The following CHLSN variants were observed in gnomAD, a reference collection of about 807,000 sequenced individuals.
CHLSN encodes cholesin.
At chr7:1,131,194 A>T in the CHLSN span, among the ~76,000 whole-genome samples, 4 of 15,792 alleles carry the variant, frequency 2.5e-4, no homozygotes, top group African/African-American at 1.7e-3. Context: ...TTGTGTTTAA[A>T]AAAAAAAAAA....
the CHLSN span, among the ~76,000 whole-genome samples, chr7:1,013,061 G>C: frequency 6.6e-6 from 1 of 152,194 alleles, no homozygotes; most frequent in African/African-American, 2.4e-5. Context: ...AGCAGCGCGG[G>C]AGGGTGGTGG....
the CHLSN span, chr7:988,935 T>C: frequency 1.5e-6 from 1 of 670,152 alleles, no homozygotes; most frequent in South Asian, 2.0e-5. Flanking sequence ...CCCTGAGGAC[T>C]CCCACCCTCA....
At chr7:1,044,786 C>T in the CHLSN span, 2 of 152,254 alleles carry the variant, frequency 1.3e-5, no homozygotes, top group Non-Finnish European at 2.9e-5. Flanking sequence ...CCCGGGTCCT[C>T]TGGCCGCTGC....
chr7:1,108,413 G>T, the CHLSN span, among the ~76,000 whole-genome samples: 1 of 152,038 alleles, frequency 6.6e-6, no homozygotes, highest in African/African-American at 2.4e-5. Context: ...GGAAGCAGAG[G>T]GGGGCTGCTC....
the CHLSN span, among the ~76,000 whole-genome samples, chr7:1,124,868 C>G: frequency 6.6e-6 from 1 of 152,210 alleles, no homozygotes; most frequent in South Asian, 2.1e-4. Context: ...ACCCGCTGCG[C>G]GGGAGCCGCA....
the CHLSN span, among the ~76,000 whole-genome samples, chr7:1,089,261 A>C: frequency 6.6e-6 from 1 of 152,322 alleles, no homozygotes; most frequent in East Asian, 1.9e-4. Context: ...CAAGAGTGCA[A>C]AATAACCAAA....
At chr7:1,060,589 T>C in the CHLSN span, among the ~76,000 whole-genome samples, 10 of 152,272 alleles carry the variant, frequency 6.6e-5, no homozygotes, top group Non-Finnish European at 8.8e-5. Context: ...TCACTGGCAT[T>C]ATTCATCACG....
At chr7:1,104,158 C>T in the CHLSN span, among the ~76,000 whole-genome samples, 3 of 152,244 alleles carry the variant, frequency 2.0e-5, no homozygotes, top group African/African-American at 7.2e-5. Flanking sequence ...AGTCCTGAAC[C>T]GTGGGCAGGG....
At chr7:1,070,849 C>T in the CHLSN span, among the ~76,000 whole-genome samples, 1 of 144,728 alleles carries the variant, frequency 6.9e-6, no homozygotes, top group Non-Finnish European at 1.5e-5. Flanking sequence ...AACGCGTGCA[C>T]ACGGACATGC....
chr7:1,009,626 G>A, the CHLSN span, among the ~76,000 whole-genome samples: 2 of 152,180 alleles, frequency 1.3e-5, no homozygotes, highest in East Asian at 1.9e-4. Flanking sequence ...TCACCCCCAC[G>A]TCCAAGCAGC....
the CHLSN span, among the ~76,000 whole-genome samples, chr7:978,451 C>A: frequency 6.6e-6 from 1 of 152,054 alleles, no homozygotes; most frequent in Non-Finnish European, 1.5e-5. Flanking sequence ...CCTGGGAGGT[C>A]GAGGCTGCAG....
the CHLSN span, among the ~76,000 whole-genome samples, chr7:1,076,555 C>G: frequency 4.8e-3 from 724 of 152,372 alleles, 7 homozygotes; most frequent in African/African-American, 0.017. Context: ...TCCCCTAACA[C>G]AGGCAAGCGT....
At chr7:1,007,304 C>T in the CHLSN span, among the ~76,000 whole-genome samples, 1,254 of 152,356 alleles carry the variant, frequency 8.2e-3, 8 homozygotes, top group Middle Eastern at 0.031. Flanking sequence ...TTCCTGAGTC[C>T]CAGTCCAGGG....
the CHLSN span, among the ~76,000 whole-genome samples, chr7:1,008,339 C>A: frequency 6.6e-6 from 1 of 152,224 alleles, no homozygotes; most frequent in Non-Finnish European, 1.5e-5. Flanking sequence ...TGTGGCCCTG[C>A]CTGCAGAGAA....
chr7:1,028,485 T>A, the CHLSN span: 3 of 985,044 alleles, frequency 3.0e-6, no homozygotes, highest in East Asian at 2.3e-4. Context: ...GGGCGGGGCC[T>A]CGGCGCTGAG....
the CHLSN span, among the ~76,000 whole-genome samples, chr7:1,053,411 G>A: frequency 6.6e-6 from 1 of 152,314 alleles, no homozygotes; most frequent in East Asian, 1.9e-4. Flanking sequence ...GGTTGGCTGT[G>A]AGGGTCGGGC....
At chr7:995,906 C>CAA in the CHLSN span, among the ~76,000 whole-genome samples, 6 of 152,234 alleles carry the variant, frequency 3.9e-5, no homozygotes, top group Non-Finnish European at 8.8e-5. Context: ...CAAGGAAGAG[C>CAA]AAACAGCCTC....
At chr7:1,098,700 C>T in the CHLSN span, among the ~76,000 whole-genome samples, 18 of 151,948 alleles carry the variant, frequency 1.2e-4, no homozygotes, top group East Asian at 3.5e-3. Flanking sequence ...ACGAGTGGAG[C>T]TGCCACGCTT....
chr7:988,981 T>G, the CHLSN span: 1 of 584,448 alleles, frequency 1.7e-6, no homozygotes, highest in African/African-American at 1.9e-5. Context: ...TGCTTCCGGT[T>G]ACACCCAGGA....
Sources: gnomAD v4.1 joint callset for allele counts (sites outside exome capture counted in the v4.1 genomes callset) on GRCh38, gnomAD v4.1.1 for gene constraint, MANE v1.5 for transcripts, NCBI Gene and HGNC (gene_info 2026-07-23, HGNC 2026-07-21) for gene names.